The following MGAT4C variants were observed in gnomAD, a reference collection of about 807,000 sequenced individuals.
MGAT4C encodes alpha-1,3-mannosyl-glycoprotein 4-beta-N-acetylglucosaminyltransferase C.
MGAT4C carries 19 observed loss-of-function variants against 40.1 expected under a neutral mutation model. That is an observed-to-expected ratio of 0.47 (90% confidence interval 0.33 to 0.70). The LOEUF is 0.70. MGAT4C is among the 30% of genes least tolerant of loss of function. The pLI is 0.02. For missense variants in MGAT4C, 491 were observed against 563.2 expected, an observed-to-expected ratio of 0.87 and a Z score of 1.30; for synonymous variants, 181 against 187.1, an observed-to-expected ratio of 0.97 and a Z score of 0.27.
chr12:86,675,947 C>T (rs1361706809), intron 2 of MGAT4C, among the ~76,000 whole-genome samples: 1 of 143,784 alleles, frequency 7.0e-6, no homozygotes, highest in East Asian at 2.0e-4. Flanking sequence ...TATTTTTCTA[C>T]TCATTAATCA....
intron 4 of MGAT4C, among the ~76,000 whole-genome samples, chr12:86,285,958 C>A (rs1275369288): frequency 1.3e-5 from 2 of 151,668 alleles, no homozygotes; most frequent in African/African-American, 4.8e-5. Context: ...TAAGACATAC[C>A]CACACATTCA....
intron 4 of MGAT4C, among the ~76,000 whole-genome samples, chr12:85,980,804 T>G (rs1197134026): frequency 6.6e-6 from 1 of 152,062 alleles, no homozygotes; most frequent in African/African-American, 2.4e-5. Context: ...AAGTTACTTT[T>G]TAAAGATAAA....
chr12:86,566,356 G>T (rs188765315), intron 2 of MGAT4C, among the ~76,000 whole-genome samples: 1 of 151,146 alleles, frequency 6.6e-6, no homozygotes, highest in East Asian at 2.0e-4. Flanking sequence ...GAGAGACTTG[G>T]ACTGGCCTCC....
intron 4 of MGAT4C, among the ~76,000 whole-genome samples, chr12:86,280,387 G>A (rs1302086106): frequency 6.6e-6 from 1 of 151,640 alleles, no homozygotes; most frequent in Non-Finnish European, 1.5e-5. Flanking sequence ...TTTAGGTGAA[G>A]CAGTTATTTT....
Position 86,281,799 on chromosome 12 carries a change from T to C in MGAT4C, c.-57+52266A>G, listed in dbSNP as rs76688865. Among the ~76,000 whole-genome samples the C allele has an allele frequency of 2.4e-3, 366 of 152,312 alleles. 1 individual carries two copies. Among genetic ancestry groups the C allele is most frequent in the African/African-American group, 7.2e-3 (301 of 41,568 alleles). Reference sequence around the variant, plus strand: ...GGTAGGTTTTCTGAGCTTTTGTTCATGAGAAAATACTTTTATTTTGCCTGT... The same window carrying C: ...GGTAGGTTTTCTGAGCTTTTGTTCACGAGAAAATACTTTTATTTTGCCTGT... On this transcript the variant is annotated intron_variant, in intron 4 of 7. Coordinates refer to the MGAT4C transcript ENST00000548651.
At chr12:85,984,334 T>C (rs1305122735) in intron 3 of MGAT4C, among the ~76,000 whole-genome samples, 1 of 152,130 alleles carries the variant, frequency 6.6e-6, no homozygotes, top group African/African-American at 2.4e-5. Context: ...ATTAAGGTAA[T>C]GTGTAGATAT....
intron 1 of MGAT4C, among the ~76,000 whole-genome samples, chr12:86,147,017 A>C (rs1205595606): frequency 6.6e-6 from 1 of 152,146 alleles, no homozygotes; most frequent in African/African-American, 2.4e-5. Context: ...ACAACATTGG[A>C]TGGATTCTTT....
At chr12:86,203,943 G>A (rs1950148020) in intron 1 of MGAT4C, among the ~76,000 whole-genome samples, 1 of 134,922 alleles carries the variant, frequency 7.4e-6, no homozygotes, top group South Asian at 2.2e-4. Flanking sequence ...GGCAACGAGA[G>A]CGAAACTTCG....
rs1298351203 is a variant in MGAT4C at position 86,659,840 on chromosome 12, T to A, written c.-229+67369A>T. On this transcript the variant is annotated intron_variant, in intron 2 of 7. Transcript: ENST00000548651. ...AGAAATATGTTGACTAAATAGTGTC[T>A]TACTGTGGCATTCTACTACAAAACC... 5.3e-5 allele frequency among the ~76,000 whole-genome samples: 8 copies of A among 152,064 alleles called. No individual in the cohort carries two copies. The South Asian group carries it at 1.7e-3, about 32-fold the overall frequency.
At chr12:86,215,031 C>G (rs1400414200) in intron 1 of MGAT4C, among the ~76,000 whole-genome samples, 1 of 152,122 alleles carries the variant, frequency 6.6e-6, no homozygotes, top group Non-Finnish European at 1.5e-5. Flanking sequence ...TGACTTATCT[C>G]TATTTCTCAA....
At chr12:86,765,923 G>A (rs892722949) in intron 1 of MGAT4C, among the ~76,000 whole-genome samples, 3 of 152,158 alleles carry the variant, frequency 2.0e-5, no homozygotes, top group African/African-American at 7.2e-5. Flanking sequence ...ATGCCAAAAT[G>A]TAAAGACCAT....
At chr12:86,275,830 G>C (rs1185961149) in intron 4 of MGAT4C, among the ~76,000 whole-genome samples, 1 of 151,662 alleles carries the variant, frequency 6.6e-6, no homozygotes, top group African/African-American at 2.4e-5. Flanking sequence ...GGCTGGGCGC[G>C]GTGGCTCACG....
In MGAT4C at chr12:86,066,710, G is replaced by A. The variant is rs191191415; in HGVS notation, c.-56-16987C>T. On this transcript the variant is annotated intron_variant, in intron 1 of 4. Coordinates refer to ENST00000611864, the MANE Select transcript of MGAT4C (RefSeq NM_001351288.2). ...GCAACAAAAGTCAAAATTGACAAACGGGATCTAATTAAACGAAAGAGTTTC... is the reference window on the plus strand; with the variant it reads ...GCAACAAAAGTCAAAATTGACAAACAGGATCTAATTAAACGAAAGAGTTTC... 3.0e-4 allele frequency among the ~76,000 whole-genome samples: 45 copies of A among 152,136 alleles called. 2 individuals are homozygous for A. In the East Asian group the frequency reaches 8.3e-3, roughly 28 times the overall value.
At chr12:86,824,960 A>C (rs1593242038) in intron 1 of MGAT4C, among the ~76,000 whole-genome samples, 2 of 151,338 alleles carry the variant, frequency 1.3e-5, no homozygotes, top group African/African-American at 2.4e-5. Context: ...AAGCAATAAA[A>C]GGTTTTGAAT....
At chr12:86,327,363 C>A (rs1383199470) in intron 4 of MGAT4C, among the ~76,000 whole-genome samples, 1 of 151,642 alleles carries the variant, frequency 6.6e-6, no homozygotes, top group Non-Finnish European at 1.5e-5. Context: ...ATTTAGATTG[C>A]TGAGTTGATT....
intron 2 of MGAT4C, among the ~76,000 whole-genome samples, chr12:86,647,605 C>CA (rs1963577903): frequency 1.3e-5 from 2 of 151,932 alleles, no homozygotes; most frequent in South Asian, 4.1e-4. Flanking sequence ...TTATTGACCT[C>CA]AAATACACTA....
chr12:86,638,042 T>C lies in MGAT4C; in HGVS notation c.-229+89167A>G, dbSNP rs975071465. 9.9e-5 allele frequency among the ~76,000 whole-genome samples: 15 copies of C among 151,930 alleles called. 1 individual carries two copies. Among genetic ancestry groups the C allele is most frequent in the Non-Finnish European group, 7.4e-5 (5 of 67,918 alleles). On this transcript the variant is annotated intron_variant, in intron 2 of 7. Coordinates refer to the MGAT4C transcript ENST00000548651. ...CAGACTTCCTCCTTGTTAAATTGTTTTGTGCCCTCTTTGTCTTTAAAAATT... is the reference window on the plus strand; with the variant it reads ...CAGACTTCCTCCTTGTTAAATTGTTCTGTGCCCTCTTTGTCTTTAAAAATT...
chr12:86,217,572 T>C (rs1218317026), intron 1 of MGAT4C, among the ~76,000 whole-genome samples: 1 of 152,190 alleles, frequency 6.6e-6, no homozygotes, highest in East Asian at 1.9e-4. Flanking sequence ...ATTCATAAAT[T>C]TGCCAATCTA....
chr12:85,994,606 T>A (rs1471217404), intron 2 of MGAT4C, among the ~76,000 whole-genome samples: 1 of 147,974 alleles, frequency 6.8e-6, no homozygotes, highest in African/African-American at 2.6e-5. Context: ...GGAAAGTTTT[T>A]AAAAAAATCC....
Sources: allele counts gnomAD v4.1 joint callset (sites outside exome capture counted in the v4.1 genomes callset), GRCh38; gene constraint gnomAD v4.1.1; transcripts MANE v1.5; gene names NCBI Gene and HGNC (gene_info 2026-07-23, HGNC 2026-07-21).